The following RARB variants were observed in gnomAD, a reference collection of about 807,000 sequenced individuals.
RARB encodes HBV-activated protein.
A neutral mutation model predicts 51.9 loss-of-function variants in RARB; 17 were observed. That is an observed-to-expected ratio of 0.33 (90% CI 0.22 to 0.49). The LOEUF (loss-of-function observed/expected upper bound fraction) is 0.49. RARB is among the 20% of genes least tolerant of loss of function. The pLI is 0.99. For missense variants in RARB, 369 were observed against 550.8 expected, an observed-to-expected ratio of 0.67 and a Z score of 3.30; for synonymous variants, 215 against 195.4, an observed-to-expected ratio of 1.10 and a Z score of -0.84.
chr3:25,043,553 A>G (rs922272889), intron 2 of RARB, among the ~76,000 whole-genome samples: 6 of 152,238 alleles, frequency 3.9e-5, no homozygotes, highest in Non-Finnish European at 8.8e-5. Context: ...ATAGATTCAA[A>G]AAGAAAGAAT....
At chr3:25,001,705 T>C (rs1697164056) in intron 2 of RARB, among the ~76,000 whole-genome samples, 1 of 152,216 alleles carries the variant, frequency 6.6e-6, no homozygotes, top group Admixed American at 6.5e-5. Context: ...TTGATAAATA[T>C]TGTTCCATCC....
At chr3:24,878,589 G>A (rs2362773) in intron 2 of RARB, among the ~76,000 whole-genome samples, 8,993 of 152,112 alleles carry the variant, frequency 0.059, 504 homozygotes, top group East Asian at 0.2. Flanking sequence ...GTTATCAGGG[G>A]CTATTGTGTG....
chr3:24,871,950 C>A (rs1196642132), intron 2 of RARB, among the ~76,000 whole-genome samples: 1 of 152,126 alleles, frequency 6.6e-6, no homozygotes, highest in African/African-American at 2.4e-5. Context: ...TATCATCACC[C>A]TGGTCTGATC....
chr3:25,565,547 C>T (rs528095611), intron 3 of RARB, among the ~76,000 whole-genome samples: 2 of 152,218 alleles, frequency 1.3e-5, no homozygotes, highest in African/African-American at 2.4e-5. Flanking sequence ...TTTGCGATGG[C>T]ACATAGTAGA....
chr3:25,428,122 C>G (rs981791857), upstream of RARB: 4 of 808,244 alleles, frequency 4.9e-6, no homozygotes, highest in African/African-American at 7.1e-5. Flanking sequence ...TTTTGCAGGG[C>G]TGCTGGGAGT....
intron 1 of RARB, among the ~76,000 whole-genome samples, chr3:24,856,001 C>T (rs1402288675): frequency 6.6e-6 from 1 of 152,084 alleles, no homozygotes; most frequent in Non-Finnish European, 1.5e-5. Context: ...CCGCCCGCCT[C>T]GGCCTCCCAA....
intron 5 of RARB, among the ~76,000 whole-genome samples, chr3:25,212,545 G>C (rs758422643): frequency 7.9e-5 from 12 of 152,200 alleles, no homozygotes; most frequent in Non-Finnish European, 1.2e-4. Context: ...TTGAACCCAG[G>C]AGGCGGAGGT....
chr3:25,083,225 T>G (rs1699042987), intron 3 of RARB, among the ~76,000 whole-genome samples: 1 of 152,186 alleles, frequency 6.6e-6, no homozygotes, highest in Non-Finnish European at 1.5e-5. Context: ...GATTACTGAT[T>G]ATTTTTTGCT....
chr3:25,383,562 T>A (rs549957004), intron 5 of RARB, among the ~76,000 whole-genome samples: 2 of 152,300 alleles, frequency 1.3e-5, no homozygotes, highest in South Asian at 4.1e-4. Flanking sequence ...ATGATGCAAA[T>A]GTTCTATATT....
intron 2 of RARB, among the ~76,000 whole-genome samples, chr3:25,033,736 T>C (rs1697924884): frequency 6.6e-6 from 1 of 152,180 alleles, no homozygotes; most frequent in South Asian, 2.1e-4. Context: ...GTTGACTAAC[T>C]ACAGCTTGGA....
intron 3 of RARB, among the ~76,000 whole-genome samples, chr3:25,125,994 C>G (rs897707944): frequency 6.6e-6 from 1 of 152,118 alleles, no homozygotes; most frequent in African/African-American, 2.4e-5. Context: ...TTCCCCTGAA[C>G]TCAAGTAAGA....
chr3:25,256,079 C>T (rs1575262372), intron 5 of RARB, among the ~76,000 whole-genome samples: 1 of 152,076 alleles, frequency 6.6e-6, no homozygotes, highest in Non-Finnish European at 1.5e-5. Context: ...TTGAACAAAT[C>T]TCCAATACCT....
intron 4 of RARB, among the ~76,000 whole-genome samples, chr3:25,137,431 A>G (rs1700047529): frequency 6.6e-6 from 1 of 152,082 alleles, no homozygotes; most frequent in African/African-American, 2.4e-5. Flanking sequence ...CTACTGGGTC[A>G]TATATGTTAC....
At chr3:25,174,222 AGGC>A in exon 5 of RARB, 1 of 376,332 alleles carries the variant, frequency 2.7e-6, no homozygotes, top group Admixed American at 3.7e-5. Flanking sequence ...GCAAAATGAC[AGGC>A]AGAGAAACCA....
At chr3:24,994,122 A>G (rs763539162) in intron 2 of RARB, among the ~76,000 whole-genome samples, 14 of 152,152 alleles carry the variant, frequency 9.2e-5, no homozygotes, top group African/African-American at 2.2e-4. Flanking sequence ...ATTCCCACCA[A>G]TGGTGTGTAA....
chr3:25,390,903 TG>T lies in RARB; in HGVS notation c.179-70289del, dbSNP rs921061058. Among the ~76,000 whole-genome samples the T allele has an allele frequency of 8.2e-4, 125 of 151,900 alleles. 2 individuals carry two copies. The East Asian group carries it at 0.016, about 19-fold the overall frequency. ...AAACAATAATAACTTTGATAATTTT[TG>T]TTTTAATTTCAATAGGTTTTGGGGG... On this transcript the variant is annotated intron_variant, in intron 5 of 11. Coordinates refer to the RARB transcript ENST00000383772.
At chr3:25,078,475 C>G (rs143830890) in intron 3 of RARB, among the ~76,000 whole-genome samples, 3 of 151,552 alleles carry the variant, frequency 2.0e-5, no homozygotes, top group Admixed American at 2.0e-4. Context: ...ATCTATATGA[C>G]AATGCTGCAA....
At chr3:25,215,308 T>C (rs1045091632) in intron 5 of RARB, among the ~76,000 whole-genome samples, 3 of 152,244 alleles carry the variant, frequency 2.0e-5, no homozygotes, top group Admixed American at 1.3e-4. Context: ...ATGTGACTTT[T>C]TTTTAAGAAA....
chr3:25,384,249 G>C (rs560984048), intron 5 of RARB, among the ~76,000 whole-genome samples: 6 of 152,136 alleles, frequency 3.9e-5, no homozygotes, highest in Non-Finnish European at 2.9e-5. Flanking sequence ...GCTTTTATCT[G>C]AAAAGTCAGT....
Sources: allele counts gnomAD v4.1 joint callset (sites outside exome capture counted in the v4.1 genomes callset), GRCh38; gene constraint gnomAD v4.1.1; transcripts MANE v1.5; gene names NCBI Gene and HGNC (gene_info 2026-07-23, HGNC 2026-07-21).